Variants in ACTN2 observed in about 807,000 individuals in gnomAD.
ACTN2 encodes actinin alpha 2.
Under a neutral mutation model 113.8 loss-of-function variants are expected in ACTN2, and 39 were observed. The ratio of observed to expected loss-of-function variants is 0.34; its 90% CI spans 0.27 to 0.45. The LOEUF is 0.45. ACTN2 is among the 20% of genes least tolerant of loss of function. The pLI, the probability that ACTN2 is intolerant of heterozygous loss-of-function variation, is 1.00. For missense variants in ACTN2, 992 were observed against 1,177.9 expected, an observed-to-expected ratio of 0.84 and a Z score of 2.31; for synonymous variants, 429 against 444.1, an observed-to-expected ratio of 0.97 and a Z score of 0.43.
At chr1:236,710,920 T>C (rs567039677) in intron 1 of ACTN2, among the ~76,000 whole-genome samples, 91 of 152,040 alleles carry the variant, frequency 6.0e-4, no homozygotes, top group Non-Finnish European at 1.1e-3. Flanking sequence ...AAAAATTGTC[T>C]TCCACGAAAC....
intron 4 of ACTN2, among the ~76,000 whole-genome samples, chr1:236,721,973 A>C (rs1414443430): frequency 6.6e-6 from 1 of 152,182 alleles, no homozygotes; most frequent in Non-Finnish European, 1.5e-5. Context: ...TAGCTAAATC[A>C]CAATATTTTG....
chr1:236,719,071 G>A (rs1658306085), intron 3 of ACTN2, 58 bp downstream of exon 3: 4 of 1,608,784 alleles, frequency 2.5e-6, no homozygotes, highest in East Asian at 4.5e-5. Context: ...GTAGGTGTGG[G>A]CTGCGACTTG....
chr1:236,716,058 G>A (rs1391027457), intron 1 of ACTN2, among the ~76,000 whole-genome samples: 1 of 150,250 alleles, frequency 6.7e-6, no homozygotes, highest in Non-Finnish European at 1.5e-5. Context: ...GGCTCTCAGG[G>A]TAAAATTTAT....
At chr1:236,748,156 T>A in intron 13 of ACTN2, 1 of 282,874 alleles carries the variant, frequency 3.5e-6, no homozygotes, top group South Asian at 3.7e-5. Context: ...TTGAAGTGAG[T>A]ACATTGATAG....
At chr1:236,696,250 C>T (rs1657497954) in intron 1 of ACTN2, among the ~76,000 whole-genome samples, 1 of 150,468 alleles carries the variant, frequency 6.6e-6, no homozygotes, top group African/African-American at 2.4e-5. Flanking sequence ...GAGCTGCACT[C>T]ACAGCTGGAG....
intron 4 of ACTN2, among the ~76,000 whole-genome samples, chr1:236,725,329 T>A (rs1658516480): frequency 6.6e-6 from 1 of 152,132 alleles, no homozygotes; most frequent in Non-Finnish European, 1.5e-5. Flanking sequence ...ATACACAGTT[T>A]TTAAAAATTT....
At chr1:236,745,313 A>G (rs1472149275) in intron 12 of ACTN2, among the ~76,000 whole-genome samples, 1 of 152,296 alleles carries the variant, frequency 6.6e-6, no homozygotes, top group South Asian at 2.1e-4. Context: ...GGGTGCCTGT[A>G]GTCCCAGCTG....
In ACTN2 at chr1:236,739,362, A is replaced by G. The variant is rs754373136; in HGVS notation, c.937A>G (p.Met313Val). 1.2e-6 allele frequency: 2 copies of G among 1,614,104 alleles called. No homozygotes were observed. The highest frequency in any genetic ancestry group is 1.7e-6 in the Non-Finnish European group (2 of 1,180,012). The change falls in exon 10 of 21, where the codon ATG (methionine) becomes GTG (valine). Residue 313 changes from methionine to valine, a missense_variant. Transcript: ENST00000366578. Reference sequence around the variant, plus strand: ...GGAGAACCGGACTCCCGAGAAGACCATGCAAGCCATGCAGAAGAAGCTGGA... The same window carrying G: ...GGAGAACCGGACTCCCGAGAAGACCGTGCAAGCCATGCAGAAGAAGCTGGA... The part of the protein sequence containing the change: ...WLENRTPEKT[M>V]QAMQKKLEDF...
rs1310875986 is a variant in ACTN2 at position 236,701,371 on chromosome 1, A to T, written c.126+14572A>T. Among the ~76,000 whole-genome samples the T allele has an allele frequency of 2.6e-5, 4 of 151,902 alleles. No homozygotes were observed. The East Asian group carries it at 7.7e-4, about 29-fold the overall frequency. Reference sequence around the variant, plus strand: ...GAAGTGAGATTTTTAATACTTTGAGATATATGTATATATATCTCATATATA... The same window carrying T: ...GAAGTGAGATTTTTAATACTTTGAGTTATATGTATATATATCTCATATATA... On this transcript the variant is annotated intron_variant, in intron 1 of 20. Transcript: ENST00000366578.
At chr1:236,761,653 A>C (rs1456365422) in intron 20 of ACTN2, among the ~76,000 whole-genome samples, 3 of 152,174 alleles carry the variant, frequency 2.0e-5, no homozygotes, top group Admixed American at 1.3e-4. Context: ...CAAGCTTTTC[A>C]TTACATGTAG....
At chr1:236,723,461 G>GTTGTT (rs763197366) in intron 4 of ACTN2, among the ~76,000 whole-genome samples, 10 of 151,952 alleles carry the variant, frequency 6.6e-5, no homozygotes, top group Admixed American at 1.3e-4. Flanking sequence ...TTTGTTTTGT[G>GTTGTT]TTGTTTTGTT....
intron 1 of ACTN2, among the ~76,000 whole-genome samples, chr1:236,708,971 C>T (rs372684877): frequency 2.0e-5 from 3 of 151,796 alleles, no homozygotes; most frequent in African/African-American, 7.3e-5. Context: ...ACCAGGAAAC[C>T]GATTAGAGGT....
rs1161270520 is a variant in ACTN2 at position 236,721,009 on chromosome 1, GTTTTTGT to G, written c.448+831_448+837del. On this transcript the variant is annotated intron_variant, in intron 4 of 20. Transcript: ENST00000366578. ...CAGGCCACAGTAGCCTCTGACTCTG[GTTTTTGT>G]TTTTTGTTTTTTTTTTTTTTTTTTT... Among the ~76,000 whole-genome samples the G allele has an allele frequency of 1.0e-3, 6 of 5,828 alleles. 2 individuals are homozygous for G. The highest frequency in any genetic ancestry group is 4.6e-4 in the Non-Finnish European group (1 of 2,168). 3.8% of individuals were successfully genotyped at this position (5,828 alleles called of 152,430 possible).
rs1659684559 is a variant in ACTN2, at chr1:236,760,924, GAATTGGCA to G, written c.2368-90_2368-83del. ...AATAATTCAGTTTTCAGACATAAAG[GAATTGGCA>G]TGTCACCAGGGAAAGAATGAAAACG... is the stretch of plus-strand genomic sequence containing the variant. On this transcript the variant is annotated intron_variant, in intron 19 of 20. Transcript: ENST00000366578. 23 of 1,511,026 alleles carry G rather than the reference GAATTGGCA, an allele frequency of 1.5e-5. No homozygotes were observed. The South Asian group carries it at 2.6e-4, about 17-fold the overall frequency. The allele number at this position is 1,511,026 out of a possible 1,614,324, so 93.6% of individuals were successfully genotyped here. A position where few individuals can be genotyped will look rare whatever the true frequency, so the allele number is the denominator to read the frequency against.
rs554410654 is a variant in ACTN2 at position 236,715,334 on chromosome 1, T to G, written c.127-2524T>G. On this transcript the variant is annotated intron_variant, in intron 1 of 20. Transcript: ENST00000366578. Reference sequence around the variant, plus strand: ...CCCCCCACCCTGTTACCACTTGAAGTTTTATACCAAAGAAACCTATTACTC... The same window carrying G: ...CCCCCCACCCTGTTACCACTTGAAGGTTTATACCAAAGAAACCTATTACTC... Among the ~76,000 whole-genome samples the G allele has an allele frequency of 2.7e-3, 325 of 120,448 alleles. 3 individuals carry two copies. Among genetic ancestry groups the G allele is most frequent in the African/African-American group, 9.7e-3 (307 of 31,554 alleles). 79.0% of individuals were successfully genotyped at this position (120,448 alleles called of 152,430 possible).
intron 12 of ACTN2, among the ~76,000 whole-genome samples, chr1:236,747,087 G>A (rs1036076981): frequency 6.3e-4 from 96 of 152,238 alleles, no homozygotes; most frequent in African/African-American, 1.9e-3. Context: ...GATGTCTTCC[G>A]ACCTTCACTC....
At chr1:236,742,154 G>A (rs750230114) in intron 10 of ACTN2, among the ~76,000 whole-genome samples, 8 of 152,126 alleles carry the variant, frequency 5.3e-5, no homozygotes, top group Non-Finnish European at 1.2e-4. Context: ...CCACCCTGAC[G>A]GGCAGGGCTG....
intron 2 of ACTN2, 135 bp from the exon 3 acceptor site, chr1:236,718,759 G>C (rs1424757842): frequency 2.5e-5 from 31 of 1,247,130 alleles, no homozygotes; most frequent in Non-Finnish European, 3.5e-5. Context: ...GATTTAGAGA[G>C]ACCAGGCACA....
At chr1:236,748,533 C>A (rs1025739117) in intron 13 of ACTN2, among the ~76,000 whole-genome samples, 17 of 152,158 alleles carry the variant, frequency 1.1e-4, no homozygotes, top group Non-Finnish European at 5.9e-5. Flanking sequence ...CTTCTGCCCC[C>A]ACTTGTCTGC....
Sources: gnomAD v4.1 joint callset for allele counts (sites outside exome capture counted in the v4.1 genomes callset) on GRCh38, gnomAD v4.1.1 for gene constraint, MANE v1.5 for transcripts, NCBI Gene and HGNC (gene_info 2026-07-23, HGNC 2026-07-21) for gene names.